Variants in CCDC196 observed in about 807,000 individuals in gnomAD.
CCDC196 encodes the protein coiled-coil domain-containing protein 196.
intron 8 of CCDC196, chr14:66,496,599 C>T (rs1224689704): frequency 6.1e-6 from 2 of 327,946 alleles, no homozygotes; most frequent in Non-Finnish European, 1.2e-5. Context: ...TATTGTAGGC[C>T]CTCCCTAACT....
Position 66,498,154 on chromosome 14 carries a change from A to G in CCDC196, c.761A>G (p.Asn254Ser). 4.8e-6 allele frequency: 2 copies of G among 413,036 alleles called. No homozygotes were observed. The allele number at this position is 413,036 out of a possible 1,614,324, so 25.6% of individuals were successfully genotyped here. The stretch of plus-strand genomic sequence containing the variant: ...ATGGACAGAGTGACTACTGGCAGAA[A>G]TGAACACCATGTGGTGAGAACTACT... Reference protein sequence around the residue: ...TTMDRVTTGRNEHHVRILGTK... With the variant: ...TTMDRVTTGRSEHHVRILGTK... Residue 254 changes from asparagine (N) to serine (S), a missense_variant, in exon 9 of 10, where the codon AAT becomes AGT. Physicochemically the swap from Asn to Ser is conservative, Grantham distance 46. Coordinates refer to ENST00000636229, the MANE Select transcript of CCDC196 (RefSeq NM_001351576.1).
At chr14:66,494,953 G>A (rs1245504398) in intron 8 of CCDC196, 2 of 152,082 alleles carry the variant, frequency 1.3e-5, no homozygotes, top group Non-Finnish European at 2.9e-5. Context: ...TTGAACCTGG[G>A]AGGCAGAGGT....
At chr14:66,490,985 A>T (rs182228578) in intron 5 of CCDC196, 36 bp from the exon 6 acceptor site, 2 of 413,282 alleles carry the variant, frequency 4.8e-6, no homozygotes, top group Admixed American at 4.4e-5. Context: ...CTTTCCTAGG[A>T]CCTCTTATTC....
In CCDC196 at chr14:66,490,833, A is replaced by G. The variant is rs1478392848; in HGVS notation, c.429+14A>G. On this transcript the variant is annotated intron_variant, in intron 5 of 9. Coordinates refer to ENST00000636229, the MANE Select transcript of CCDC196 (RefSeq NM_001351576.1). ...CAGGATGGAAAGGCAAGTGGACTGC[A>G]TGTACTTAAAATTTCAAGATTGTCG... 2.5e-6 allele frequency: 1 copy of G among 400,512 alleles called. No homozygotes were observed. The highest frequency in any genetic ancestry group is 2.1e-5 in the African/African-American group (1 of 48,646). The allele number at this position is 400,512 out of a possible 1,614,324, so 24.8% of individuals were successfully genotyped here.
chr14:66,489,874 C>T (rs573518187), intron 4 of CCDC196, among the ~76,000 whole-genome samples: 47 of 152,268 alleles, frequency 3.1e-4, no homozygotes, highest in South Asian at 1.5e-3. Context: ...ACAGGGAATT[C>T]CTTTGTCCCT....
intron 8 of CCDC196, chr14:66,496,381 G>C (rs1427468559): frequency 2.2e-6 from 1 of 455,930 alleles, no homozygotes; most frequent in Non-Finnish European, 4.4e-6. Context: ...TACTGATTTT[G>C]TTACACTTCA....
At chr14:66,497,707 C>T (rs1044542593) in intron 8 of CCDC196, among the ~76,000 whole-genome samples, 6 of 152,098 alleles carry the variant, frequency 3.9e-5, no homozygotes, top group Admixed American at 1.3e-4. Flanking sequence ...TCTCACCCTA[C>T]GCCTACCATT....
chr14:66,486,864 C>G, intron 2 of CCDC196, 55 bp downstream of exon 2: 2 of 411,766 alleles, frequency 4.9e-6, no homozygotes, highest in Non-Finnish European at 8.9e-6. Context: ...AACTTGATCT[C>G]CAAAGGACTG....
At chr14:66,494,411 CTAAT>C (rs1461828905) in intron 8 of CCDC196, among the ~76,000 whole-genome samples, 2 of 152,018 alleles carry the variant, frequency 1.3e-5, no homozygotes, top group Non-Finnish European at 2.9e-5. Flanking sequence ...GATTTTAAAA[CTAAT>C]TATGTAAAGA....
At position 66,496,122 on chromosome 14, in the gene CCDC196, T is replaced by C. The variant is rs1237925025; in HGVS notation, c.716-1987T>C. On this transcript the variant is annotated intron_variant, in intron 8 of 9. Transcript: ENST00000636229. ...TAACAGTGTTACAGGACAGCGTTTC[T>C]TTTTCTCTAGTTTCAAAAGAATTGA... 2.5e-5 allele frequency: 9 copies of C among 359,070 alleles called. No homozygotes were observed. The Admixed American group carries it at 3.2e-4, about 13-fold the overall frequency. The allele number at this position is 359,070 out of a possible 1,614,324, so 22.2% of individuals were successfully genotyped here. A position where few individuals can be genotyped will look rare whatever the true frequency, so the allele number is the denominator to read the frequency against.
At chr14:66,495,025 CAA>C (rs879892685) in intron 8 of CCDC196, among the ~76,000 whole-genome samples, 37 of 87,754 alleles carry the variant, frequency 4.2e-4, no homozygotes, top group Admixed American at 8.8e-4. Flanking sequence ...GACTTCGTAT[CAA>C]AAAAAAAAAA....
intron 2 of CCDC196, among the ~76,000 whole-genome samples, chr14:66,487,463 G>A (rs1370553843): frequency 6.6e-6 from 1 of 152,170 alleles, no homozygotes; most frequent in Admixed American, 6.5e-5. Context: ...ACAAGCACCA[G>A]CTGCTTACAA....
At chr14:66,496,050 C>A in intron 8 of CCDC196, 1 of 299,258 alleles carries the variant, frequency 3.3e-6, no homozygotes, top group Non-Finnish European at 6.6e-6. Context: ...AAAAAATGAG[C>A]ACTAAACAAA....
intron 8 of CCDC196, among the ~76,000 whole-genome samples, chr14:66,493,515 C>T (rs1192174739): frequency 6.6e-6 from 1 of 152,156 alleles, no homozygotes; most frequent in South Asian, 2.1e-4. Flanking sequence ...ATGTCTTCAA[C>T]AATATTTCAA....
chr14:66,494,664 A>T (rs2057620579), intron 8 of CCDC196: 1 of 152,224 alleles, frequency 6.6e-6, no homozygotes, highest in African/African-American at 2.4e-5. Context: ...ACAAGATTTT[A>T]ATGTTCTAGA....
At chr14:66,488,841 G>T (rs934371865) in intron 3 of CCDC196, 146 bp from the exon 4 acceptor site, 2 of 404,114 alleles carry the variant, frequency 4.9e-6, no homozygotes, top group African/African-American at 4.1e-5. Context: ...CCTGGATTTG[G>T]GATTAGACCC....
chr14:66,487,496 A>C (rs900256005), intron 2 of CCDC196, among the ~76,000 whole-genome samples: 16 of 152,352 alleles, frequency 1.1e-4, no homozygotes, highest in African/African-American at 3.8e-4. Context: ...GACTTCTCTC[A>C]GAGCAAGAAA....
intron 2 of CCDC196, among the ~76,000 whole-genome samples, chr14:66,487,114 C>G (rs752874934): frequency 6.6e-6 from 1 of 152,122 alleles, no homozygotes; most frequent in Non-Finnish European, 1.5e-5. Flanking sequence ...CACGGTCACA[C>G]AGATGCTTTC....
intron 8 of CCDC196, among the ~76,000 whole-genome samples, chr14:66,497,680 C>G (rs2057697215): frequency 6.6e-6 from 1 of 151,948 alleles, no homozygotes. Context: ...CCTTTTTCTC[C>G]TTTTCATTGC....
Sources: allele counts gnomAD v4.1 joint callset (sites outside exome capture counted in the v4.1 genomes callset), GRCh38; gene constraint gnomAD v4.1.1; transcripts MANE v1.5; gene names NCBI Gene and HGNC (gene_info 2026-07-23, HGNC 2026-07-21).